The following EFCAB8 variants were observed in gnomAD, a reference collection of about 807,000 sequenced individuals.
EFCAB8 encodes the protein EF-hand calcium binding domain 8.
EFCAB8 carries 100 observed loss-of-function variants against 116.3 expected under a neutral mutation model. The ratio of observed to expected loss-of-function variants is 0.86; its 90% confidence interval spans 0.73 to 1.02. EFCAB8 has a LOEUF of 1.02. Ranked by LOEUF, EFCAB8 falls within the 50% of genes least tolerant of loss-of-function variation. The probability of loss-of-function intolerance (pLI) is 0.00; values close to 1 mark genes in which losing one functional copy is unlikely to be tolerated. For synonymous variants in EFCAB8, 558 were observed against 567.9 expected, an observed-to-expected ratio of 0.98 and a Z score of 0.25; for missense variants, 1,320 against 1,416.9, an observed-to-expected ratio of 0.93 and a Z score of 1.10.
At chr20:32,900,527 A>G (rs958224208) in intron 11 of EFCAB8, among the ~76,000 whole-genome samples, 3 of 151,074 alleles carry the variant, frequency 2.0e-5, no homozygotes, top group African/African-American at 7.3e-5. Context: ...TGCTCAGCTA[A>G]TTTTTGTATT....
chr20:32,880,247 T>C (rs1985255652), intron 5 of EFCAB8, among the ~76,000 whole-genome samples: 1 of 150,398 alleles, frequency 6.6e-6, no homozygotes, highest in Non-Finnish European at 1.5e-5. Flanking sequence ...AGAAGGCGGC[T>C]TGAATGAAAG....
At chr20:32,926,775 C>T (rs1316438011) in intron 20 of EFCAB8, among the ~76,000 whole-genome samples, 2 of 142,962 alleles carry the variant, frequency 1.4e-5, no homozygotes, top group Non-Finnish European at 3.0e-5. Context: ...GTTTTTTGTT[C>T]TTGCGATAGT....
chr20:32,875,502 GTTTTT>G (rs57620114), intron 3 of EFCAB8, among the ~76,000 whole-genome samples: 4 of 89,894 alleles, frequency 4.4e-5, no homozygotes, highest in African/African-American at 6.7e-5. Flanking sequence ...AAACATGGTG[GTTTTT>G]TTTTTTTTTT....
intron 23 of EFCAB8, among the ~76,000 whole-genome samples, chr20:32,948,156 A>G (rs1199709833): frequency 6.6e-6 from 1 of 152,156 alleles, no homozygotes; most frequent in Non-Finnish European, 1.5e-5. Flanking sequence ...AGATGACATC[A>G]TTTCTGATTC....
intron 23 of EFCAB8, among the ~76,000 whole-genome samples, chr20:32,945,375 T>C (rs1182454792): frequency 6.6e-6 from 1 of 152,172 alleles, no homozygotes; most frequent in African/African-American, 2.4e-5. Flanking sequence ...CAGGCTGGCC[T>C]TGAATTCTTG....
intron 26 of EFCAB8, among the ~76,000 whole-genome samples, chr20:32,960,765 C>T (rs530974059): frequency 6.6e-6 from 1 of 152,330 alleles, no homozygotes; most frequent in East Asian, 1.9e-4. Context: ...CCCTGCAGGG[C>T]CCCCCTGTCT....
intron 11 of EFCAB8, among the ~76,000 whole-genome samples, chr20:32,904,759 T>A (rs1986597846): frequency 6.6e-6 from 1 of 152,060 alleles, no homozygotes; most frequent in African/African-American, 2.4e-5. Context: ...CCTGAGTAGC[T>A]GGGATTACAG....
At chr20:32,937,885 G>A (rs1988183760) in intron 22 of EFCAB8, among the ~76,000 whole-genome samples, 1 of 149,918 alleles carries the variant, frequency 6.7e-6, no homozygotes, top group African/African-American at 2.5e-5. Context: ...CCAAAGTGCT[G>A]GGATTACAGG....
At position 32,961,341 on chromosome 20, in the gene EFCAB8, C is replaced by G. The variant is rs1289567308; in HGVS notation, c.3599C>G (p.Ser1200Cys). The change falls in exon 27 of 27, where the codon TCT becomes TGT. Residue 1200 changes from serine (S) to cysteine (C), a missense_variant. Physicochemically the swap from Ser to Cys is moderately radical, Grantham distance 112. Coordinates refer to ENST00000400522, the MANE Select transcript of EFCAB8 (RefSeq NM_001143967.2). ...ACGCCTGCGGCCGCCTCCTCCCCATCTTCCTTGTTATCTGTCACTGCCTCA... is the reference window on the plus strand; with the variant it reads ...ACGCCTGCGGCCGCCTCCTCCCCATGTTCCTTGTTATCTGTCACTGCCTCA... ...DSTPAAASSPSSLLSVTASAS... is the reference protein window; with the variant it reads ...DSTPAAASSPCSLLSVTASAS... The G allele has an allele frequency of 6.7e-7, 1 of 1,481,820 alleles. No individual in the cohort carries two copies. Among genetic ancestry groups the G allele is most frequent in the African/African-American group, 1.4e-5 (1 of 70,558 alleles). The allele number at this position is 1,481,820 out of a possible 1,614,324, so 91.8% of individuals were successfully genotyped here.
At chr20:32,874,005 C>T (rs1416208178) in intron 3 of EFCAB8, among the ~76,000 whole-genome samples, 1 of 151,912 alleles carries the variant, frequency 6.6e-6, no homozygotes, top group Non-Finnish European at 1.5e-5. Context: ...ACTGCAACCT[C>T]CGCCTCTCAG....
chr20:32,883,030 C>T (rs936494119), intron 5 of EFCAB8, among the ~76,000 whole-genome samples: 9 of 152,172 alleles, frequency 5.9e-5, no homozygotes, highest in Middle Eastern at 3.4e-3. Flanking sequence ...GGGATTTCAC[C>T]GTATTGGCCA....
At chr20:32,906,520 A>T in intron 11 of EFCAB8, 42 bp from the exon 12 acceptor site, 1 of 717,856 alleles carries the variant, frequency 1.4e-6, no homozygotes, top group Non-Finnish European at 2.6e-6. Flanking sequence ...TCTTGGGGCC[A>T]CTGCTCCCGG....
At chr20:32,876,159 G>A in intron 4 of EFCAB8, 115 bp downstream of exon 4, 1 of 901,338 alleles carries the variant, frequency 1.1e-6, no homozygotes, top group Non-Finnish European at 1.7e-6. Flanking sequence ...AAGCCTCCCT[G>A]TGGATTCTGG....
intron 22 of EFCAB8, among the ~76,000 whole-genome samples, chr20:32,939,191 C>G (rs1450996162): frequency 1.7e-5 from 1 of 57,964 alleles, no homozygotes; most frequent in Non-Finnish European, 3.3e-5. Flanking sequence ...TTCTTTCTTT[C>G]TTTCTTTCTT....
At chr20:32,878,627 C>G in intron 4 of EFCAB8, 77 bp from the exon 5 acceptor site, 2 of 1,185,712 alleles carry the variant, frequency 1.7e-6, no homozygotes, top group Non-Finnish European at 2.4e-6. Flanking sequence ...ACGCCATTCT[C>G]CTGCCGAGTT....
At chr20:32,928,237 T>A (rs536605883) in intron 20 of EFCAB8, among the ~76,000 whole-genome samples, 2 of 130,900 alleles carry the variant, frequency 1.5e-5, no homozygotes, top group South Asian at 2.2e-4. Context: ...CAACTGATTT[T>A]TTATTTTTTT....
chr20:32,908,413 G>T lies in EFCAB8; in HGVS notation c.1446+1G>T, dbSNP rs942607711. The T allele has an allele frequency of 4.8e-6, 6 of 1,249,986 alleles. No individual in the cohort carries two copies. The highest frequency in any genetic ancestry group is 6.1e-6 in the Non-Finnish European group (6 of 988,282). The allele number at this position is 1,249,986 out of a possible 1,614,324, so 77.4% of individuals were successfully genotyped here. A position where few individuals can be genotyped will look rare whatever the true frequency, so the allele number is the denominator to read the frequency against. On this transcript the variant is annotated splice_donor_variant, in intron 14 of 26. Transcript: ENST00000400522. LOFTEE classifies it high-confidence loss of function. Reference sequence around the variant, plus strand: ...TACCCTCATCTGCAGCACCTACTCAGTGAGTGCTGTCCCAGGAGGGAGTGG... The same window carrying T: ...TACCCTCATCTGCAGCACCTACTCATTGAGTGCTGTCCCAGGAGGGAGTGG...
In EFCAB8 at chr20:32,870,230, A is replaced by G. The variant is rs112808309; in HGVS notation, c.208+2483A>G. Among the ~76,000 whole-genome samples, 1,477 of 152,232 alleles carry G rather than the reference A, an allele frequency of 9.7e-3. 22 individuals are homozygous for G. The highest frequency in any genetic ancestry group is 0.034 in the African/African-American group (1,408 of 41,524). On this transcript the variant is annotated intron_variant, in intron 3 of 26. Coordinates refer to ENST00000400522, the MANE Select transcript of EFCAB8 (RefSeq NM_001143967.2). Reference sequence around the variant, plus strand: ...GGTGATTCCTGGGTGGTGGTCTTCAATGTCATTGTTTGCAGCCAGGAAGTG... The same window carrying G: ...GGTGATTCCTGGGTGGTGGTCTTCAGTGTCATTGTTTGCAGCCAGGAAGTG...
chr20:32,887,489 T>A (rs1985691582), intron 6 of EFCAB8, among the ~76,000 whole-genome samples: 1 of 152,182 alleles, frequency 6.6e-6, no homozygotes, highest in Admixed American at 6.5e-5. Context: ...GGCACGAGAA[T>A]CACTGGAACC....
Sources: gnomAD v4.1 joint callset for allele counts (sites outside exome capture counted in the v4.1 genomes callset) on GRCh38, gnomAD v4.1.1 for gene constraint, MANE v1.5 for transcripts, NCBI Gene and HGNC (gene_info 2026-07-23, HGNC 2026-07-21) for gene names.